LSAMP: variants seen among roughly 807,000 people sequenced by gnomAD.
LSAMP encodes the protein limbic system associated membrane protein, also known as limbic system-associated membrane protein.
LSAMP carries 7 observed loss-of-function variants against 38.6 expected under a neutral mutation model. That is an observed-to-expected ratio of 0.18 (90% CI 0.10 to 0.34). The LOEUF is 0.34. Among genes scored for constraint, LSAMP ranks in the 10% least tolerant of loss-of-function variants. LSAMP has a pLI of 1.00. For synonymous variants in LSAMP, 154 were observed against 166.8 expected (o/e 0.92, Z 0.59); for missense variants, 313 against 420.0 (o/e 0.75, Z 2.23).
chr3:115,901,986 GAAAA>G (rs1217910827), intron 3 of LSAMP, among the ~76,000 whole-genome samples: 2 of 151,470 alleles, frequency 1.3e-5, no homozygotes, highest in Non-Finnish European at 2.9e-5. Context: ...AACTAGATAA[GAAAA>G]AACCCTGTCC....
rs945942479 is a variant in LSAMP, at chr3:116,207,965, A to G, written c.156-121409T>C. Among the ~76,000 whole-genome samples, 4 of 148,192 alleles carry G rather than the reference A, an allele frequency of 2.7e-5. 1 individual carries two copies. The highest frequency in any genetic ancestry group is 9.9e-5 in the African/African-American group (4 of 40,604). On this transcript the variant is annotated intron_variant, in intron 1 of 6. Transcript: ENST00000490035. Reference sequence around the variant, plus strand: ...GTTGGCCTGCCTTGCTAGATTGGGGAAGTTCTCCTGGATAATATCCTGCAG... The same window carrying G: ...GTTGGCCTGCCTTGCTAGATTGGGGGAGTTCTCCTGGATAATATCCTGCAG...
intron 2 of LSAMP, among the ~76,000 whole-genome samples, chr3:116,080,039 C>A (rs534572286): frequency 6.6e-6 from 1 of 152,122 alleles, no homozygotes; most frequent in Non-Finnish European, 1.5e-5. Flanking sequence ...ACAACCAGAT[C>A]ATGTGTGAAT....
At chr3:116,395,012 C>T (rs1325785568) in intron 1 of LSAMP, among the ~76,000 whole-genome samples, 3 of 152,144 alleles carry the variant, frequency 2.0e-5, no homozygotes, top group Non-Finnish European at 2.9e-5. Flanking sequence ...CTGTGTTTTG[C>T]TCTCATTTCT....
chr3:116,000,952 G>T (rs1010058410), intron 3 of LSAMP, among the ~76,000 whole-genome samples: 14 of 152,124 alleles, frequency 9.2e-5, no homozygotes, highest in African/African-American at 3.1e-4. Flanking sequence ...TACCTGAAAT[G>T]AGTAAATTTT....
At chr3:116,248,525 G>C (rs1406000820) in intron 1 of LSAMP, among the ~76,000 whole-genome samples, 1 of 136,894 alleles carries the variant, frequency 7.3e-6, no homozygotes, top group Admixed American at 7.3e-5. Context: ...GTGTGTGTGT[G>C]TGTGTGTGTA....
At chr3:115,998,212 A>G (rs1364613608) in intron 3 of LSAMP, among the ~76,000 whole-genome samples, 3 of 151,974 alleles carry the variant, frequency 2.0e-5, no homozygotes, top group Admixed American at 6.6e-5. Context: ...CAAATTATGT[A>G]GGGCCATAAT....
chr3:116,432,014 A>G (rs558720965), intron 1 of LSAMP, among the ~76,000 whole-genome samples: 2 of 152,156 alleles, frequency 1.3e-5, no homozygotes, highest in African/African-American at 4.8e-5. Flanking sequence ...GATCTAATAG[A>G]AACAAAAAAC....
intron 1 of LSAMP, among the ~76,000 whole-genome samples, chr3:116,166,793 T>TG (rs1442922254): frequency 1.4e-5 from 2 of 145,586 alleles, no homozygotes; most frequent in Non-Finnish European, 3.0e-5. Flanking sequence ...TTTTGTTTTT[T>TG]TTTTTTTTTT....
At chr3:116,099,709 C>G (rs1358541968) in intron 1 of LSAMP, among the ~76,000 whole-genome samples, 1 of 152,152 alleles carries the variant, frequency 6.6e-6, no homozygotes, top group Non-Finnish European at 1.5e-5. Flanking sequence ...CAGCGCCAGT[C>G]ACCACCCAGT....
intron 1 of LSAMP, among the ~76,000 whole-genome samples, chr3:116,368,905 A>C (rs2048393482): frequency 6.6e-6 from 1 of 152,200 alleles, no homozygotes. Flanking sequence ...CTAAGAAGTT[A>C]GAATTTTACT....
chr3:116,284,083 G>A (rs2047163642), intron 1 of LSAMP, among the ~76,000 whole-genome samples: 1 of 152,152 alleles, frequency 6.6e-6, no homozygotes, highest in Admixed American at 6.5e-5. Context: ...GTTTTAATAT[G>A]TGGTCAGGAG....
At chr3:116,209,900 G>A (rs974001479) in intron 1 of LSAMP, among the ~76,000 whole-genome samples, 1 of 152,096 alleles carries the variant, frequency 6.6e-6, no homozygotes, top group Non-Finnish European at 1.5e-5. Context: ...ACAGGCATCC[G>A]CCACCTCGCC....
chr3:116,357,495 C>G (rs941291496), intron 1 of LSAMP, among the ~76,000 whole-genome samples: 1 of 149,870 alleles, frequency 6.7e-6, no homozygotes, highest in East Asian at 2.0e-4. Flanking sequence ...TAGGTTTAAA[C>G]GCTAATTAAA....
chr3:116,107,907 C>T (rs908565155), intron 1 of LSAMP, among the ~76,000 whole-genome samples: 30 of 152,138 alleles, frequency 2.0e-4, no homozygotes, highest in Admixed American at 1.4e-3. Flanking sequence ...GTTGATAAGG[C>T]ATAGATCCTG....
intron 3 of LSAMP, among the ~76,000 whole-genome samples, chr3:115,874,398 T>C (rs1308598636): frequency 6.6e-6 from 1 of 152,128 alleles, no homozygotes; most frequent in Non-Finnish European, 1.5e-5. Context: ...TGTTTTGTTT[T>C]GTCTCTATTC....
At chr3:115,908,508 A>G (rs9827155) in intron 3 of LSAMP, among the ~76,000 whole-genome samples, 29,623 of 151,970 alleles carry the variant, frequency 0.19, 3,229 homozygotes, top group African/African-American at 0.29. Flanking sequence ...TGGAAGATGA[A>G]GTGGAGTCCT....
intron 1 of LSAMP, among the ~76,000 whole-genome samples, chr3:116,412,243 G>A (rs1052108114): frequency 4.6e-5 from 7 of 152,030 alleles, no homozygotes; most frequent in African/African-American, 7.2e-5. Context: ...ACATGGACAT[G>A]TATGAAATGA....
intron 1 of LSAMP, among the ~76,000 whole-genome samples, chr3:116,154,260 A>G (rs1217275844): frequency 2.0e-5 from 3 of 152,172 alleles, no homozygotes; most frequent in Non-Finnish European, 4.4e-5. Context: ...CTGCAAGACC[A>G]AAGATTTAAT....
intron 3 of LSAMP, among the ~76,000 whole-genome samples, chr3:115,946,350 A>C (rs1258468783): frequency 6.6e-6 from 1 of 152,168 alleles, no homozygotes; most frequent in Non-Finnish European, 1.5e-5. Flanking sequence ...AAAGGAATGG[A>C]GTGTTACCAA....
Sources: gnomAD v4.1 joint callset for allele counts (sites outside exome capture counted in the v4.1 genomes callset) on GRCh38, gnomAD v4.1.1 for gene constraint, MANE v1.5 for transcripts, NCBI Gene and HGNC (gene_info 2026-07-23, HGNC 2026-07-21) for gene names.